PTPN13: variants seen among roughly 807,000 people sequenced by gnomAD.
The protein encoded by PTPN13 is protein tyrosine phosphatase non-receptor type 13.
Under a neutral mutation model 284.0 loss-of-function variants are expected in PTPN13, and 191 were observed. The observed-to-expected ratio is 0.67, with a 90% CI of 0.60 to 0.76. The LOEUF (loss-of-function observed/expected upper bound fraction) is 0.76, where lower values mean the gene tolerates loss of function less well. Ranked by LOEUF, PTPN13 falls within the 30% of genes least tolerant of loss-of-function variation. The probability of loss-of-function intolerance (pLI) is 0.00; values close to 1 mark genes in which losing one functional copy is unlikely to be tolerated. For missense variants in PTPN13, 2,797 were observed against 2,939.9 expected (o/e 0.95, Z 1.12); for synonymous variants, 986 against 1,022.3 (o/e 0.96, Z 0.68).
At position 86,780,438 on chromosome 4, in the gene PTPN13, T is replaced by G; in HGVS notation, c.5928T>G (p.Ser1976=). 1.2e-6 allele frequency: 2 copies of G among 1,611,564 alleles called. No individual in the cohort carries two copies. The highest frequency in any genetic ancestry group is 1.7e-6 in the Non-Finnish European group (2 of 1,178,632). Residue 1976 remains serine (S), a synonymous_variant, in exon 36 of 48, where the codon TCT becomes TCG. Coordinates refer to ENST00000411767, the MANE Select transcript of PTPN13 (RefSeq NM_080683.3). Reference sequence around the variant, plus strand: ...CAGTGGTCCCCAGCTCAAAGAGGTCTGCTGTTTCAGCTCCAAAGTCAACCA... The same window carrying G: ...CAGTGGTCCCCAGCTCAAAGAGGTCGGCTGTTTCAGCTCCAAAGTCAACCA... The part of the protein sequence containing the change: ...DLPVVPSSKR[S]AVSAPKSTKG...
At chr4:86,758,162 A>T (rs984522431) in intron 20 of PTPN13, 98 bp from the exon 21 acceptor site, 2 of 735,646 alleles carry the variant, frequency 2.7e-6, no homozygotes, top group African/African-American at 3.5e-5. Flanking sequence ...TGACTGAGCA[A>T]TTAACACACT....
intron 3 of PTPN13, among the ~76,000 whole-genome samples, chr4:86,680,404 TATCTCTATCTCTGTCTCC>T (rs1728773792): frequency 6.6e-6 from 1 of 151,808 alleles, no homozygotes; most frequent in African/African-American, 2.4e-5. Flanking sequence ...TATCTATCTC[TATCTCTATCTCTGTCTCC>T]ATCTCTGGTT....
intron 20 of PTPN13, among the ~76,000 whole-genome samples, chr4:86,757,625 A>G (rs974793221): frequency 6.6e-6 from 1 of 151,846 alleles, no homozygotes; most frequent in African/African-American, 2.4e-5. Flanking sequence ...TTAGCTGGGC[A>G]TGTTGGCACG....
chr4:86,701,233 C>CT lies in PTPN13; in HGVS notation c.635-8_635-7insT, dbSNP rs1565357796. 6.5e-7 allele frequency: 1 copy of CT among 1,530,558 alleles called. No individual in the cohort carries two copies. The highest frequency in any genetic ancestry group is 2.2e-5 in the Admixed American group (1 of 46,422). The allele number at this position is 1,530,558 out of a possible 1,614,324, so 94.8% of individuals were successfully genotyped here. On this transcript the variant is annotated splice_region_variant and splice_polypyrimidine_tract_variant and intron_variant, in intron 6 of 47. Transcript: ENST00000411767. The stretch of plus-strand genomic sequence containing the variant: ...GTGTGCATACATGATAGATTCTTAT[C>CT]ATTCCAGGAAGAAGCTCTACTTCTG...
intron 41 of PTPN13, 100 bp from the exon 42 acceptor site, chr4:86,799,001 T>C (rs963748980): frequency 1.4e-6 from 1 of 730,374 alleles, no homozygotes; most frequent in Admixed American, 3.4e-5. Context: ...GACATTCTAT[T>C]TTAAAATACT....
At chr4:86,773,941 CT>C (rs1470755370) in intron 32 of PTPN13, among the ~76,000 whole-genome samples, 2 of 151,770 alleles carry the variant, frequency 1.3e-5, no homozygotes, top group Non-Finnish European at 2.9e-5. Context: ...AAAAAAAAAG[CT>C]TTGTTGTGGC....
At chr4:86,606,898 A>G (rs1565129651) in intron 1 of PTPN13, among the ~76,000 whole-genome samples, 2 of 151,880 alleles carry the variant, frequency 1.3e-5, no homozygotes, top group Admixed American at 1.3e-4. Context: ...ACTGTCCATA[A>G]TGGTGGCCAG....
At position 86,701,282 on chromosome 4, in the gene PTPN13, C is replaced by A; in HGVS notation, c.676C>A (p.Pro226Thr). The stretch of plus-strand genomic sequence containing the variant: ...TGATGTACTAGACATACAAAAGCCT[C>A]CACTCTCTCATCAGACCTTTCTTAA... Reference protein sequence around the residue: ...TSDVLDIQKPPLSHQTFLNKG... With the variant: ...TSDVLDIQKPTLSHQTFLNKG... Residue 226 changes from proline to threonine, a missense_variant, in exon 7 of 48, where the codon CCA becomes ACA. Physicochemically the swap from Pro to Thr is conservative, Grantham distance 38 (BLOSUM62 -1). Transcript: ENST00000411767. 3 of 1,603,384 alleles carry A rather than the reference C, an allele frequency of 1.9e-6. No homozygotes were observed. Among genetic ancestry groups the A allele is most frequent in the Non-Finnish European group, 2.6e-6 (3 of 1,175,784 alleles).
intron 1 of PTPN13, among the ~76,000 whole-genome samples, chr4:86,618,144 T>G (rs1294997453): frequency 6.6e-6 from 1 of 152,118 alleles, no homozygotes; most frequent in East Asian, 1.9e-4. Context: ...TTTCTACATA[T>G]GGCTAGCCAG....
intron 16 of PTPN13, among the ~76,000 whole-genome samples, chr4:86,742,297 T>G (rs545409509): frequency 7.0e-4 from 106 of 152,352 alleles, no homozygotes; most frequent in African/African-American, 2.4e-3. Flanking sequence ...ATTTTAGATT[T>G]TTAGTGTACA....
At position 86,772,703 on chromosome 4, in the gene PTPN13, T is replaced by C. The variant is rs1740144211; in HGVS notation, c.5169-75T>C. The C allele has an allele frequency of 5.7e-6, 7 of 1,232,630 alleles. No homozygotes were observed. The Admixed American group carries it at 9.9e-5, about 17-fold the overall frequency. The allele number at this position is 1,232,630 out of a possible 1,614,324, so 76.4% of individuals were successfully genotyped here. A position where few individuals can be genotyped will look rare whatever the true frequency, so the allele number is the denominator to read the frequency against. ...AGACATGAATATTTGTTAAGTGTTT[T>C]CTGTTTCTGGCACAAACTAACCATA... On this transcript the variant is annotated intron_variant, in intron 31 of 47. Transcript: ENST00000411767.
At chr4:86,711,641 G>A (rs1171428990) in intron 7 of PTPN13, among the ~76,000 whole-genome samples, 1 of 152,056 alleles carries the variant, frequency 6.6e-6, no homozygotes, top group African/African-American at 2.4e-5. Context: ...GTAAAATAAG[G>A]AATAATTATG....
At chr4:86,755,221 G>A (rs1737834044) in intron 20 of PTPN13, among the ~76,000 whole-genome samples, 5 of 151,920 alleles carry the variant, frequency 3.3e-5, no homozygotes, top group Admixed American at 3.3e-4. Flanking sequence ...GGCCTCCAGA[G>A]ATTCTTAAAG....
rs775758687 is a variant in PTPN13, at chr4:86,751,053, G to A, written c.3095G>A (p.Arg1032Lys). ...NNSKSVASLN[R>K]SPERRKHESD... is the part of the protein sequence containing the mutation. ...TCAAAGTCTGTTGCGAGTTTAAATA[G>A]AAGTCCTGAAAGGAGGAAACATGAA... The change falls in exon 19 of 48, where the codon AGA (arginine) becomes AAA (lysine). Residue 1032 changes from arginine (R) to lysine (K), a missense_variant. Physicochemically the swap from Arg to Lys is conservative, Grantham distance 26. Coordinates refer to ENST00000411767, the MANE Select transcript of PTPN13 (RefSeq NM_080683.3). 1 of 1,608,982 alleles carries A rather than the reference G, an allele frequency of 6.2e-7. No homozygotes were observed. The highest frequency in any genetic ancestry group is 8.5e-7 in the Non-Finnish European group (1 of 1,175,816).
intron 2 of PTPN13, among the ~76,000 whole-genome samples, chr4:86,655,878 C>T (rs1725738901): frequency 6.6e-6 from 1 of 152,214 alleles, no homozygotes; most frequent in African/African-American, 2.4e-5. Flanking sequence ...TTCAGGTACA[C>T]CAATCAGACG....
intron 3 of PTPN13, among the ~76,000 whole-genome samples, chr4:86,686,354 CAA>C (rs927297721): frequency 7.8e-6 from 1 of 128,918 alleles, no homozygotes. Flanking sequence ...GACTCTGCCT[CAA>C]AAAAAAAAAG....
chr4:86,679,770 G>A (rs1271452637), intron 3 of PTPN13, among the ~76,000 whole-genome samples: 1 of 152,174 alleles, frequency 6.6e-6, no homozygotes, highest in Non-Finnish European at 1.5e-5. Flanking sequence ...CTGCACATCA[G>A]ACTGCAGTGT....
At chr4:86,606,608 G>A (rs535369044) in intron 1 of PTPN13, among the ~76,000 whole-genome samples, 1 of 151,690 alleles carries the variant, frequency 6.6e-6, no homozygotes. Context: ...TAAATGAATC[G>A]CATCTTTCCA....
At chr4:86,684,159 C>T (rs1016898836) in intron 3 of PTPN13, among the ~76,000 whole-genome samples, 5 of 150,322 alleles carry the variant, frequency 3.3e-5, no homozygotes, top group African/African-American at 1.2e-4. Flanking sequence ...TCTAACTATA[C>T]AACAAGGTAA....
Sources: allele counts gnomAD v4.1 joint callset (sites outside exome capture counted in the v4.1 genomes callset), GRCh38; gene constraint gnomAD v4.1.1; transcripts MANE v1.5; gene names NCBI Gene and HGNC (gene_info 2026-07-23, HGNC 2026-07-21).